FNIP1: variants seen among roughly 807,000 people sequenced by gnomAD.
FNIP1 encodes folliculin-interacting protein 1.
A neutral mutation model predicts 124.5 loss-of-function variants in FNIP1; 40 were observed. The observed-to-expected ratio is 0.32, with a 90% CI of 0.25 to 0.42. FNIP1 has a LOEUF of 0.42. FNIP1 is among the 10% of genes least tolerant of loss of function. The pLI is 1.00. For synonymous variants in FNIP1, 472 were observed against 470.6 expected (o/e 1.00, Z -0.04); for missense variants, 1,176 against 1,403.7 (o/e 0.84, Z 2.59).
At chr5:131,743,778 A>T (rs1770586816) in intron 2 of FNIP1, among the ~76,000 whole-genome samples, 1 of 152,162 alleles carries the variant, frequency 6.6e-6, no homozygotes, top group Non-Finnish European at 1.5e-5. Context: ...GCAACCCAGA[A>T]GACAGCCCTC....
At chr5:131,742,666 C>T (rs1367314757) in intron 2 of FNIP1, among the ~76,000 whole-genome samples, 1 of 152,182 alleles carries the variant, frequency 6.6e-6, no homozygotes, top group East Asian at 1.9e-4. Context: ...ACAAATACAG[C>T]AAAGCTGAAT....
At chr5:131,686,708 C>G (rs1768285526) in intron 11 of FNIP1, among the ~76,000 whole-genome samples, 1 of 152,074 alleles carries the variant, frequency 6.6e-6, no homozygotes, top group Non-Finnish European at 1.5e-5. Flanking sequence ...TTAAAATGTA[C>G]AACTAAATTA....
At chr5:131,775,623 G>T (rs888473338) in intron 1 of FNIP1, among the ~76,000 whole-genome samples, 8 of 151,208 alleles carry the variant, frequency 5.3e-5, no homozygotes, top group Admixed American at 1.3e-4. Flanking sequence ...TGCCCCCCGG[G>T]TTCAAGCAAT....
intron 1 of FNIP1, among the ~76,000 whole-genome samples, chr5:131,786,436 A>C (rs1035061733): frequency 6.6e-6 from 1 of 152,256 alleles, no homozygotes; most frequent in Non-Finnish European, 1.5e-5. Context: ...TCACATCCAA[A>C]GTATTCCAAG....
intron 1 of FNIP1, among the ~76,000 whole-genome samples, chr5:131,763,357 T>C (rs1771301834): frequency 6.7e-6 from 1 of 149,694 alleles, no homozygotes; most frequent in Non-Finnish European, 1.5e-5. Context: ...GATTGGCAAA[T>C]GAATGCATAT....
At chr5:131,714,098 C>T (rs1769388828) in intron 6 of FNIP1, among the ~76,000 whole-genome samples, 1 of 152,228 alleles carries the variant, frequency 6.6e-6, no homozygotes. Flanking sequence ...TGCAAGGACA[C>T]ATAGCTGATA....
At chr5:131,670,778 CA>C (rs2149514226) in intron 14 of FNIP1, 147 bp from the exon 15 acceptor site, 1 of 522,210 alleles carries the variant, frequency 1.9e-6, no homozygotes, top group East Asian at 3.3e-5. Context: ...ATAATGGTAA[CA>C]ATCGTAAAAA....
intron 13 of FNIP1, 129 bp downstream of exon 13, chr5:131,677,574 A>G: frequency 1.2e-6 from 1 of 833,748 alleles, no homozygotes; most frequent in Non-Finnish European, 1.8e-6. Flanking sequence ...TGAAAGGACA[A>G]GCAAAGCAGA....
chr5:131,749,139 A>G (rs935967861), intron 1 of FNIP1, among the ~76,000 whole-genome samples: 1 of 152,232 alleles, frequency 6.6e-6, no homozygotes, highest in Non-Finnish European at 1.5e-5. Context: ...TTTTAAAATT[A>G]AAAAGTTAAT....
chr5:131,767,206 G>T (rs1394506117), intron 1 of FNIP1, among the ~76,000 whole-genome samples: 1 of 151,788 alleles, frequency 6.6e-6, no homozygotes, highest in Non-Finnish European at 1.5e-5. Context: ...GGCCGAGGTG[G>T]GCAGATCACG....
intron 1 of FNIP1, among the ~76,000 whole-genome samples, chr5:131,752,593 A>G (rs907364887): frequency 1.3e-5 from 2 of 151,672 alleles, no homozygotes; most frequent in Non-Finnish European, 2.9e-5. Context: ...TGCAATGCAC[A>G]TATCTGATAA....
chr5:131,751,818 A>C (rs949060516), intron 1 of FNIP1, among the ~76,000 whole-genome samples: 3 of 152,196 alleles, frequency 2.0e-5, no homozygotes, highest in African/African-American at 7.2e-5. Flanking sequence ...ATCCATAATG[A>C]CTGCAATGTG....
At chr5:131,710,233 T>C (rs1306515656) in intron 7 of FNIP1, among the ~76,000 whole-genome samples, 1 of 152,130 alleles carries the variant, frequency 6.6e-6, no homozygotes, top group Admixed American at 6.6e-5. Flanking sequence ...TACTCAGCCA[T>C]GGAAACAAGA....
intron 11 of FNIP1, among the ~76,000 whole-genome samples, chr5:131,686,330 T>C (rs1425460880): frequency 8.5e-5 from 13 of 152,152 alleles, no homozygotes; most frequent in Admixed American, 8.5e-4. Context: ...TGGTAATTTT[T>C]CTCCTTGAAA....
chr5:131,659,621 T>C (rs1321597535), intron 15 of FNIP1, among the ~76,000 whole-genome samples: 3 of 152,090 alleles, frequency 2.0e-5, no homozygotes, highest in South Asian at 2.1e-4. Flanking sequence ...GTAACCCTCG[T>C]AGATGGGCAC....
At chr5:131,765,241 T>C (rs559802687) in intron 1 of FNIP1, among the ~76,000 whole-genome samples, 2 of 152,100 alleles carry the variant, frequency 1.3e-5, no homozygotes, top group Non-Finnish European at 2.9e-5. Flanking sequence ...AAAAAAAGCA[T>C]CATGAAAACT....
At chr5:131,790,443 C>T (rs543961752) in intron 1 of FNIP1, among the ~76,000 whole-genome samples, 1 of 146,200 alleles carries the variant, frequency 6.8e-6, no homozygotes, top group Non-Finnish European at 1.5e-5. Flanking sequence ...CGCACCACCG[C>T]TCTCCCGCCT....
At chr5:131,736,456 A>G (rs1052926777) in intron 2 of FNIP1, among the ~76,000 whole-genome samples, 2 of 152,202 alleles carry the variant, frequency 1.3e-5, no homozygotes, top group African/African-American at 4.8e-5. Flanking sequence ...TCAGTCAACA[A>G]AAGTATTTAA....
intron 1 of FNIP1, among the ~76,000 whole-genome samples, chr5:131,794,761 T>A (rs1040144490): frequency 6.6e-6 from 1 of 152,160 alleles, no homozygotes; most frequent in African/African-American, 2.4e-5. Context: ...CACGCCACTG[T>A]ACTACAGCCT....
Sources: gnomAD v4.1 joint callset for allele counts (sites outside exome capture counted in the v4.1 genomes callset) on GRCh38, gnomAD v4.1.1 for gene constraint, MANE v1.5 for transcripts, NCBI Gene and HGNC (gene_info 2026-07-23, HGNC 2026-07-21) for gene names.